ABCB1: variants seen among roughly 807,000 people sequenced by gnomAD.
ABCB1 encodes the protein ATP-dependent translocase ABCB1.
Under a neutral mutation model 142.0 loss-of-function variants are expected in ABCB1, and 69 were observed. The ratio of observed to expected loss-of-function variants is 0.49; its 90% CI spans 0.40 to 0.59. The LOEUF (loss-of-function observed/expected upper bound fraction) is 0.59. ABCB1 is among the 20% of genes least tolerant of loss of function. The pLI is 0.00. For synonymous variants in ABCB1, 532 were observed against 539.2 expected, an observed-to-expected ratio of 0.99 and a Z score of 0.18; for missense variants, 1,326 against 1,554.7, an observed-to-expected ratio of 0.85 and a Z score of 2.47.
chr7:87,598,578 T>C (rs1198159373), intron 2 of ABCB1, among the ~76,000 whole-genome samples: 1 of 152,226 alleles, frequency 6.6e-6, no homozygotes, highest in Non-Finnish European at 1.5e-5. Context: ...CTTGCCTGAA[T>C]CTATTATAAC....
Position 87,542,230 on chromosome 7 carries a change from AT to A in ABCB1, c.2212-767del, listed in dbSNP as rs1382417268. ...CAAGGATTTTTGAAGAGATTAAATA[AT>A]TTTTTTTGACTAGTCAGTCCAACAA... On this transcript the variant is annotated intron_variant, in intron 17 of 27. Coordinates refer to ENST00000622132, the MANE Select transcript of ABCB1 (RefSeq NM_001348946.2). Among the ~76,000 whole-genome samples, 12 of 152,194 alleles carry A rather than the reference AT, an allele frequency of 7.9e-5. No homozygotes were observed. The East Asian group carries it at 2.3e-3, about 29-fold the overall frequency.
intron 20 of ABCB1, 31 bp from the exon 21 acceptor site, chr7:87,531,528 A>T (rs754409465): frequency 1.3e-6 from 2 of 1,597,114 alleles, no homozygotes; most frequent in Non-Finnish European, 1.7e-6. Context: ...GAGAAATTTT[A>T]AAAATATTAT....
chr7:87,569,169 C>A (rs1245384006), intron 5 of ABCB1, among the ~76,000 whole-genome samples: 1 of 151,862 alleles, frequency 6.6e-6, no homozygotes. Flanking sequence ...CCCATCTCTA[C>A]TAAAAATACA....
intron 1 of ABCB1, among the ~76,000 whole-genome samples, chr7:87,694,706 C>T (rs1011919483): frequency 2.0e-5 from 3 of 152,036 alleles, no homozygotes; most frequent in East Asian, 1.9e-4. Context: ...CCGTCATGTA[C>T]GATTTCATTC....
chr7:87,677,260 A>T (rs1384743297), intron 1 of ABCB1, among the ~76,000 whole-genome samples: 1 of 149,862 alleles, frequency 6.7e-6, no homozygotes, highest in Non-Finnish European at 1.5e-5. Context: ...GGATTAATAA[A>T]CTACAGTGTA....
rs559768907 is a variant in ABCB1 at position 87,666,581 on chromosome 7, G to A, written c.-331+46580C>T. Among the ~76,000 whole-genome samples the A allele has an allele frequency of 1.6e-4, 25 of 152,086 alleles. No homozygotes were observed. In the South Asian group the frequency reaches 5.0e-3, roughly 30 times the overall value. ...CTCTGCCCATTCCTATGTCCAGGAT[G>A]GTATTTCCTATGTAAACTTCCATGG... On this transcript the variant is annotated intron_variant, in intron 1 of 28. Coordinates refer to the ABCB1 transcript ENST00000265724.
chr7:87,653,153 A>T (rs1216090828), intron 1 of ABCB1, among the ~76,000 whole-genome samples: 1 of 152,098 alleles, frequency 6.6e-6, no homozygotes, highest in Non-Finnish European at 1.5e-5. Flanking sequence ...CTTTCCTAGG[A>T]TATAGCTGAG....
intron 1 of ABCB1, among the ~76,000 whole-genome samples, chr7:87,614,284 C>T (rs1249188403): frequency 6.6e-6 from 1 of 152,036 alleles, no homozygotes; most frequent in Non-Finnish European, 1.5e-5. Flanking sequence ...GTATTCTTAG[C>T]TACTAGGGAT....
chr7:87,557,959 G>C (rs1179786826), intron 8 of ABCB1, among the ~76,000 whole-genome samples: 1 of 152,118 alleles, frequency 6.6e-6, no homozygotes, highest in Non-Finnish European at 1.5e-5. Flanking sequence ...TATGCAGCTA[G>C]GACTCAAAGG....
Position 87,516,575 on chromosome 7 carries a change from G to A in ABCB1, c.3018C>T (p.Ala1006=). 1 of 1,614,144 alleles carries A rather than the reference G, an allele frequency of 6.2e-7. No homozygotes were observed. Among genetic ancestry groups the A allele is most frequent in the South Asian group, 1.1e-5 (1 of 91,086 alleles). The part of the protein sequence containing the change: ...PDYAKAKISA[A]HIIMIIEKTP... ...TTTTTTCAATGATCATGATGATGTG[G>A]GCTGCTGATATTTTGGCTTTGGCAT... Residue 1006 remains alanine, a synonymous_variant, in exon 24 of 28, where the codon GCC becomes GCT. Coordinates refer to ENST00000622132, the MANE Select transcript of ABCB1 (RefSeq NM_001348946.2).
intron 1 of ABCB1, among the ~76,000 whole-genome samples, chr7:87,707,367 A>G (rs1219355025): frequency 2.6e-5 from 4 of 152,182 alleles, no homozygotes; most frequent in Non-Finnish European, 5.9e-5. Context: ...ACATAAAATT[A>G]CTAGATTATT....
intron 1 of ABCB1, among the ~76,000 whole-genome samples, chr7:87,614,036 C>T (rs574100271): frequency 6.6e-5 from 10 of 151,810 alleles, no homozygotes; most frequent in African/African-American, 2.2e-4. Context: ...TATTTTTGGA[C>T]AAACAATTCT....
chr7:87,669,890 GC>G (rs1400498397), intron 1 of ABCB1, among the ~76,000 whole-genome samples: 1 of 152,116 alleles, frequency 6.6e-6, no homozygotes. Flanking sequence ...TTTCTCTCTA[GC>G]TGCCTTTAAA....
intron 1 of ABCB1, among the ~76,000 whole-genome samples, chr7:87,626,777 A>ATATAT (rs1584936019): frequency 2.2e-5 from 3 of 134,430 alleles, no homozygotes; most frequent in South Asian, 2.2e-4. Flanking sequence ...TATATGTCAG[A>ATATAT]GAGAGAGAGA....
chr7:87,603,708 AG>A (rs1259771947), upstream of ABCB1, among the ~76,000 whole-genome samples: 1 of 152,200 alleles, frequency 6.6e-6, no homozygotes, highest in Non-Finnish European at 1.5e-5. Flanking sequence ...AATTTACAAA[AG>A]TTTTCTTCTT....
intron 4 of ABCB1, among the ~76,000 whole-genome samples, chr7:87,577,037 C>T (rs909148240): frequency 3.9e-5 from 6 of 151,940 alleles, no homozygotes; most frequent in Non-Finnish European, 4.4e-5. Context: ...TTTTTGTATC[C>T]TTTAACCATC....
intron 1 of ABCB1, chr7:87,700,575 T>C (rs1208039919): frequency 1.9e-6 from 3 of 1,588,456 alleles, no homozygotes; most frequent in Non-Finnish European, 2.6e-6. Context: ...GGTCAGAGAC[T>C]CGTTTCTATT....
intron 7 of ABCB1, among the ~76,000 whole-genome samples, chr7:87,564,541 G>A (rs1817708335): frequency 2.6e-5 from 4 of 152,136 alleles, no homozygotes; most frequent in Admixed American, 2.6e-4. Context: ...GCTGTGATTG[G>A]GTCCCTTTCT....
chr7:87,566,094 T>C lies in ABCB1; in HGVS notation c.678A>G (p.Gly226=). ...LVILAISPVL[G]LSAAVWAKIL... ...CCTTTGCCCAGACAGCAGCTGACAG[T>C]CCAAGAACAGGACTGATGGCCAAAA... The change falls in exon 7 of 28, where the codon GGA becomes GGG. Residue 226 remains glycine, a synonymous_variant. Transcript: ENST00000622132. 6.2e-7 allele frequency: 1 copy of C among 1,614,170 alleles called. No homozygotes were observed. Among genetic ancestry groups the C allele is most frequent in the Non-Finnish European group, 8.5e-7 (1 of 1,180,016 alleles).
Sources: gnomAD v4.1 joint callset for allele counts (sites outside exome capture counted in the v4.1 genomes callset) on GRCh38, gnomAD v4.1.1 for gene constraint, MANE v1.5 for transcripts, NCBI Gene and HGNC (gene_info 2026-07-23, HGNC 2026-07-21) for gene names.